The following SENP7 variants were observed in gnomAD, a reference collection of about 807,000 sequenced individuals.
SENP7 encodes SUMO specific peptidase 7.
Under a neutral mutation model 141.2 loss-of-function variants are expected in SENP7, and 64 were observed. The observed-to-expected ratio is 0.45, with a 90% CI of 0.37 to 0.56. The LOEUF is 0.56. Among genes scored for constraint, SENP7 ranks in the 20% least tolerant of loss-of-function variants. SENP7 has a pLI of 0.00. For synonymous variants in SENP7, 382 were observed against 426.4 expected (o/e 0.90, Z 1.28); for missense variants, 1,025 against 1,212.2 (o/e 0.85, Z 2.29).
At chr3:101,451,540 A>G (rs568008840) in intron 4 of SENP7, among the ~76,000 whole-genome samples, 287 of 152,330 alleles carry the variant, frequency 1.9e-3, no homozygotes, top group Non-Finnish European at 3.4e-3. Flanking sequence ...TTCATCCCTG[A>G]GATGCAAGGC....
At chr3:101,390,364 C>A (rs2060784891) in intron 6 of SENP7, among the ~76,000 whole-genome samples, 1 of 150,606 alleles carries the variant, frequency 6.6e-6, no homozygotes, top group Admixed American at 6.6e-5. Context: ...AAAATACATT[C>A]CACACAAATG....
intron 3 of SENP7, among the ~76,000 whole-genome samples, chr3:101,483,532 G>C (rs971715929): frequency 1.3e-5 from 2 of 152,128 alleles, no homozygotes; most frequent in Non-Finnish European, 2.9e-5. Context: ...TCCTACCTGC[G>C]TGACGGTATA....
intron 5 of SENP7, chr3:101,414,181 CTA>C (rs926626791): frequency 6.0e-5 from 32 of 534,732 alleles, no homozygotes; most frequent in African/African-American, 5.4e-4. Flanking sequence ...TTAAAAATAA[CTA>C]TATATGGCCG....
intron 7 of SENP7, 44 bp downstream of exon 7, chr3:101,371,964 T>A (rs1057273): frequency 1.1e-5 from 9 of 787,378 alleles, no homozygotes; most frequent in Non-Finnish European, 1.5e-5. Context: ...ATTAATACAA[T>A]AAGAAAAAAT....
chr3:101,482,913 C>A (rs190380495), intron 3 of SENP7, among the ~76,000 whole-genome samples: 2 of 152,068 alleles, frequency 1.3e-5, no homozygotes, highest in Non-Finnish European at 2.9e-5. Context: ...TCACACCAGT[C>A]AGAATGGCTA....
At chr3:101,408,969 T>C (rs1339157580) in intron 5 of SENP7, among the ~76,000 whole-genome samples, 1 of 152,084 alleles carries the variant, frequency 6.6e-6, no homozygotes, top group East Asian at 1.9e-4. Context: ...GGCATCCAAA[T>C]CGATAAAGAG....
At chr3:101,357,309 T>C in intron 11 of SENP7, 1 of 622,904 alleles carries the variant, frequency 1.6e-6, no homozygotes. Flanking sequence ...TGGCATTGCC[T>C]GGACACTGCA....
rs549139943 is a variant in SENP7 at position 101,384,806 on chromosome 3, C to T, written c.678-12680G>A. Among the ~76,000 whole-genome samples, 8 of 152,304 alleles carry T rather than the reference C, an allele frequency of 5.3e-5. No homozygotes were observed. The South Asian group carries it at 1.5e-3, about 28-fold the overall frequency. ...AAGAGGTCACCAGCTGGCGAAGCAACACCACAAGGATCCTGTGACATCACC... is the reference window on the plus strand; with the variant it reads ...AAGAGGTCACCAGCTGGCGAAGCAATACCACAAGGATCCTGTGACATCACC... On this transcript the variant is annotated intron_variant, in intron 6 of 23. Coordinates refer to ENST00000394095, the MANE Select transcript of SENP7 (RefSeq NM_020654.5).
chr3:101,430,506 T>C (rs887541378), intron 4 of SENP7, among the ~76,000 whole-genome samples: 4 of 152,238 alleles, frequency 2.6e-5, no homozygotes, highest in South Asian at 2.1e-4. Context: ...TGATGGTAGT[T>C]TGTATTTCTG....
chr3:101,351,516 G>A, intron 12 of SENP7, 102 bp downstream of exon 12: 2 of 944,160 alleles, frequency 2.1e-6, no homozygotes, highest in Middle Eastern at 3.8e-4. Context: ...ATTTGGAATT[G>A]CTAAAAAATA....
Position 101,443,688 on chromosome 3 carries a change from A to G in SENP7, c.284+15267T>C, listed in dbSNP as rs1340660903. ...CACATCACTTGTAAGTTGGATTCCT[A>G]GGTATTTTATTCTCTTTGAAGCAAT... On this transcript the variant is annotated intron_variant, in intron 4 of 23. Coordinates refer to ENST00000394095, the MANE Select transcript of SENP7 (RefSeq NM_020654.5). 1.1e-4 allele frequency among the ~76,000 whole-genome samples: 16 copies of G among 145,140 alleles called. No homozygotes were observed. In the South Asian group the frequency reaches 1.4e-3, roughly 12 times the overall value.
chr3:101,480,529 A>G (rs1464034456), intron 3 of SENP7, among the ~76,000 whole-genome samples: 1 of 152,160 alleles, frequency 6.6e-6, no homozygotes, highest in Non-Finnish European at 1.5e-5. Flanking sequence ...CTTAAGATGG[A>G]TTGACAACTT....
intron 6 of SENP7, among the ~76,000 whole-genome samples, chr3:101,397,933 TTTC>T (rs1382006435): frequency 1.3e-5 from 2 of 152,196 alleles, no homozygotes; most frequent in African/African-American, 2.4e-5. Flanking sequence ...CCACAGATTT[TTTC>T]TTATTTCCAG....
At chr3:101,332,928 C>A (rs761140533) in intron 17 of SENP7, 66 bp from the exon 18 acceptor site, 3 of 1,413,180 alleles carry the variant, frequency 2.1e-6, no homozygotes, top group East Asian at 2.5e-5. Flanking sequence ...ACTTCAAGAG[C>A]CATTTTTATA....
intron 16 of SENP7, 114 bp downstream of exon 16, chr3:101,339,981 A>ATCT (rs1002190641): frequency 2.1e-5 from 28 of 1,353,686 alleles, no homozygotes; most frequent in Admixed American, 5.6e-5. Context: ...CAAATCTGAA[A>ATCT]TCTTGGCAGG....
At chr3:101,396,161 G>A (rs773399746) in intron 6 of SENP7, among the ~76,000 whole-genome samples, 2 of 152,094 alleles carry the variant, frequency 1.3e-5, no homozygotes, top group Non-Finnish European at 2.9e-5. Flanking sequence ...GAATTTTCAA[G>A]GTCCACATCA....
chr3:101,370,422 T>G (rs2060147516), intron 7 of SENP7, among the ~76,000 whole-genome samples: 1 of 152,138 alleles, frequency 6.6e-6, no homozygotes, highest in Non-Finnish European at 1.5e-5. Context: ...AGGGGATTGG[T>G]CCCAGGGACC....
intron 13 of SENP7, among the ~76,000 whole-genome samples, chr3:101,345,197 T>A (rs2059426864): frequency 6.8e-6 from 1 of 147,994 alleles, no homozygotes; most frequent in African/African-American, 2.5e-5. Context: ...ATGTGAGCTC[T>A]TTTTTGGTTC....
At chr3:101,343,604 A>G in intron 14 of SENP7, 82 bp downstream of exon 14, 1 of 1,401,680 alleles carries the variant, frequency 7.1e-7, no homozygotes, top group East Asian at 2.3e-5. Context: ...AAAATGTAGC[A>G]TTTGAAAGCA....
Sources: gnomAD v4.1 joint callset for allele counts (sites outside exome capture counted in the v4.1 genomes callset) on GRCh38, gnomAD v4.1.1 for gene constraint, MANE v1.5 for transcripts, NCBI Gene and HGNC (gene_info 2026-07-23, HGNC 2026-07-21) for gene names.